ATP8B4: variants seen among roughly 807,000 people sequenced by gnomAD.
The protein encoded by ATP8B4 is ATPase phospholipid transporting 8B4 (putative).
Under a neutral mutation model 145.6 loss-of-function variants are expected in ATP8B4, and 133 were observed. That is an observed-to-expected ratio of 0.91 (90% CI 0.79 to 1.05). The LOEUF (loss-of-function observed/expected upper bound fraction) is 1.05. Ranked by LOEUF, ATP8B4 falls within the 50% of genes least tolerant of loss-of-function variation. ATP8B4 has a pLI of 0.00. For missense variants in ATP8B4, 1,458 were observed against 1,425.2 expected (o/e 1.02, Z -0.37); for synonymous variants, 507 against 492.9 (o/e 1.03, Z -0.38).
chr15:50,068,665 A>C (rs946951775), intron 3 of ATP8B4, among the ~76,000 whole-genome samples: 3 of 152,172 alleles, frequency 2.0e-5, no homozygotes, highest in Non-Finnish European at 4.4e-5. Flanking sequence ...GGCTTTACTG[A>C]AGTTTCTGAG....
At chr15:50,016,414 T>C (rs2049093873) in intron 6 of ATP8B4, among the ~76,000 whole-genome samples, 1 of 152,194 alleles carries the variant, frequency 6.6e-6, no homozygotes, top group Non-Finnish European at 1.5e-5. Context: ...ACAGAGCTAT[T>C]GGTCTAGGTT....
intron 1 of ATP8B4, among the ~76,000 whole-genome samples, chr15:50,157,202 G>T (rs1428372634): frequency 6.6e-6 from 1 of 152,140 alleles, no homozygotes; most frequent in African/African-American, 2.4e-5. Context: ...AGAAAAGATA[G>T]AAAGTTTTTT....
intron 15 of ATP8B4, among the ~76,000 whole-genome samples, chr15:49,933,177 C>A: frequency 6.6e-6 from 1 of 150,800 alleles, no homozygotes; most frequent in Non-Finnish European, 1.5e-5. Flanking sequence ...ACCTAAGAAC[C>A]AACAGAAACA....
At chr15:49,967,183 G>GA (rs1464432546) in intron 13 of ATP8B4, among the ~76,000 whole-genome samples, 8 of 152,148 alleles carry the variant, frequency 5.3e-5, no homozygotes, top group Non-Finnish European at 8.8e-5. Context: ...CAAAAAAGCT[G>GA]AAAATGCCAA....
At chr15:49,938,858 A>G (rs545887155) in intron 14 of ATP8B4, among the ~76,000 whole-genome samples, 2 of 152,314 alleles carry the variant, frequency 1.3e-5, no homozygotes, top group African/African-American at 2.4e-5. Flanking sequence ...ATACTCAGCC[A>G]TAAAGCAAAT....
In ATP8B4 at chr15:49,917,046, CAAAAT is replaced by C; in HGVS notation, c.2036-12_2036-8del. On this transcript the variant is annotated splice_polypyrimidine_tract_variant and splice_region_variant and intron_variant, in intron 19 of 27. Coordinates refer to ENST00000284509, the MANE Select transcript of ATP8B4 (RefSeq NM_024837.4). ...CCGATGTTGATGGCAGTTTCTAACA[CAAAAT>C]AAAGCCCAATTCAGTTAAAATGTTA... The C allele has an allele frequency of 6.2e-7, 1 of 1,612,390 alleles. No individual in the cohort carries two copies. Among genetic ancestry groups the C allele is most frequent in the Admixed American group, 1.7e-5 (1 of 60,010 alleles).
chr15:50,034,212 T>TGGAA (rs1330381504), intron 6 of ATP8B4, among the ~76,000 whole-genome samples: 3 of 149,702 alleles, frequency 2.0e-5, no homozygotes, highest in Non-Finnish European at 4.4e-5. Flanking sequence ...TTGGATTAAA[T>TGGAA]GGAATTCCTT....
chr15:49,863,324 G>A (rs1218359263), intron 26 of ATP8B4, among the ~76,000 whole-genome samples: 1 of 152,214 alleles, frequency 6.6e-6, no homozygotes, highest in Non-Finnish European at 1.5e-5. Flanking sequence ...CAATAGGACA[G>A]TGAAACTCAT....
At chr15:49,889,740 C>A (rs1281741997) in intron 23 of ATP8B4, among the ~76,000 whole-genome samples, 2 of 152,150 alleles carry the variant, frequency 1.3e-5, no homozygotes, top group African/African-American at 4.8e-5. Context: ...TCCACCAGGC[C>A]CCAAAGGCAG....
chr15:50,129,127 T>C (rs2057327371), intron 1 of ATP8B4, among the ~76,000 whole-genome samples: 1 of 152,114 alleles, frequency 6.6e-6, no homozygotes, highest in Non-Finnish European at 1.5e-5. Context: ...ATATAGGTAA[T>C]AGTGTGAGTA....
Position 50,047,436 on chromosome 15 carries a change from T to C in ATP8B4, c.116A>G (p.Asn39Ser). 1 of 1,590,342 alleles carries C rather than the reference T, an allele frequency of 6.3e-7. No homozygotes were observed. The highest frequency in any genetic ancestry group is 8.6e-7 in the Non-Finnish European group (1 of 1,158,478). Residue 39 changes from asparagine to serine, a missense_variant, in exon 4 of 28, where the codon AAT becomes AGT. Asn to Ser is a conservative substitution (Grantham distance 46, BLOSUM62 1). Coordinates refer to ENST00000284509, the MANE Select transcript of ATP8B4 (RefSeq NM_024837.4). ...ATTAATTGGCAAGAAGGTGAGAATATTATATTTCGATGTGTGGATACGATT... is the reference window on the plus strand; with the variant it reads ...ATTAATTGGCAAGAAGGTGAGAATACTATATTTCGATGTGTGGATACGATT... ...ADNRIHTSKY[N>S]ILTFLPINLF...
chr15:50,036,422 C>A (rs1024316153), intron 6 of ATP8B4, among the ~76,000 whole-genome samples: 1 of 152,194 alleles, frequency 6.6e-6, no homozygotes, highest in African/African-American at 2.4e-5. Flanking sequence ...GCGGCAGGTG[C>A]AAGCTCATAG....
At chr15:50,073,017 TATACACACAC>T (rs1455764315) in intron 3 of ATP8B4, among the ~76,000 whole-genome samples, 882 of 31,594 alleles carry the variant, frequency 0.028, 28 homozygotes, top group Middle Eastern at 0.067. Context: ...TATATATATA[TATACACACAC>T]ACACACACAC....
At chr15:49,932,238 A>T (rs1450062048) in intron 15 of ATP8B4, among the ~76,000 whole-genome samples, 1 of 151,978 alleles carries the variant, frequency 6.6e-6, no homozygotes, top group East Asian at 1.9e-4. Context: ...CTAAATATCT[A>T]GAAATATTCT....
chr15:49,920,493 AT>A, intron 17 of ATP8B4, 83 bp from the exon 18 acceptor site: 1 of 1,415,934 alleles, frequency 7.1e-7, no homozygotes, highest in South Asian at 1.5e-5. Context: ...TTGGTGAGAA[AT>A]TTTTCACTCA....
chr15:50,147,768 A>C (rs1370142962), intron 1 of ATP8B4, among the ~76,000 whole-genome samples: 1 of 152,140 alleles, frequency 6.6e-6, no homozygotes, highest in African/African-American at 2.4e-5. Flanking sequence ...CAACCTTTAA[A>C]GGAGGAAAAA....
At chr15:49,901,358 A>T (rs1599012349) in intron 20 of ATP8B4, 119 bp from the exon 21 acceptor site, 1 of 1,050,280 alleles carries the variant, frequency 9.5e-7, no homozygotes, top group East Asian at 2.6e-5. Context: ...AGAATATGGC[A>T]TAAGACCCAG....
intron 14 of ATP8B4, among the ~76,000 whole-genome samples, chr15:49,946,602 C>CT (rs147632337): frequency 2.4e-3 from 351 of 146,626 alleles, no homozygotes; most frequent in East Asian, 0.012. Flanking sequence ...CTAATTAATC[C>CT]TTTTTTTTTT....
chr15:50,049,769 C>T (rs1444071434), intron 3 of ATP8B4, among the ~76,000 whole-genome samples: 2 of 152,224 alleles, frequency 1.3e-5, no homozygotes, highest in African/African-American at 4.8e-5. Context: ...CTCCTACCAA[C>T]AGTGTATAAG....
Sources: gnomAD v4.1 joint callset for allele counts (sites outside exome capture counted in the v4.1 genomes callset) on GRCh38, gnomAD v4.1.1 for gene constraint, MANE v1.5 for transcripts, NCBI Gene and HGNC (gene_info 2026-07-23, HGNC 2026-07-21) for gene names.